Variants in ADGRL2 observed in about 807,000 individuals in gnomAD.
ADGRL2 encodes the protein calcium-independent alpha-latrotoxin receptor 2.
A neutral mutation model predicts 157.4 loss-of-function variants in ADGRL2; 44 were observed. That is an observed-to-expected ratio of 0.28 (90% CI 0.22 to 0.36). The LOEUF is 0.36. Among genes scored for constraint, ADGRL2 ranks in the 10% least tolerant of loss-of-function variants. ADGRL2 has a pLI of 1.00. For synonymous variants in ADGRL2, 585 were observed against 624.7 expected (o/e 0.94, Z 0.95); for missense variants, 1,510 against 1,768.9 (o/e 0.85, Z 2.63).
chr1:81,663,076 C>T (rs1252570974), intron 3 of ADGRL2, among the ~76,000 whole-genome samples: 1 of 148,474 alleles, frequency 6.7e-6, no homozygotes, highest in Non-Finnish European at 1.5e-5. Flanking sequence ...ACCATTCCCC[C>T]TAACACTCCT....
chr1:81,905,986 G>GTA (rs1218941881), intron 2 of ADGRL2, among the ~76,000 whole-genome samples: 10 of 147,052 alleles, frequency 6.8e-5, no homozygotes, highest in African/African-American at 2.5e-4. Flanking sequence ...GTGTGTGTGT[G>GTA]TACATATAAA....
intron 2 of ADGRL2, among the ~76,000 whole-genome samples, chr1:81,771,574 G>C (rs2086370706): frequency 6.6e-6 from 1 of 152,114 alleles, no homozygotes; most frequent in African/African-American, 2.4e-5. Flanking sequence ...GAAAATTCAT[G>C]ATCATAAACC....
chr1:81,730,401 T>C (rs1395597251), intron 1 of ADGRL2, among the ~76,000 whole-genome samples: 2 of 151,988 alleles, frequency 1.3e-5, no homozygotes, highest in Non-Finnish European at 2.9e-5. Context: ...AAGAAATAAG[T>C]GTAAAGCATG....
intron 2 of ADGRL2, among the ~76,000 whole-genome samples, chr1:81,857,622 C>T (rs528419783): frequency 3.5e-4 from 53 of 152,274 alleles, no homozygotes; most frequent in Non-Finnish European, 6.0e-4. Flanking sequence ...TCAGCTTCTT[C>T]TCTCAAATCA....
intron 2 of ADGRL2, among the ~76,000 whole-genome samples, chr1:81,451,105 CAGAT>C (rs1355784158): frequency 6.6e-6 from 1 of 152,174 alleles, no homozygotes; most frequent in Non-Finnish European, 1.5e-5. Flanking sequence ...CACTCGCTAA[CAGAT>C]AGCCCTCACT....
chr1:81,778,058 C>CA (rs2086658311), intron 2 of ADGRL2, among the ~76,000 whole-genome samples: 1 of 152,080 alleles, frequency 6.6e-6, no homozygotes, highest in African/African-American at 2.4e-5. Context: ...CGGTGGCTCA[C>CA]GCCTGTAATC....
chr1:81,580,018 T>C (rs1433244247), intron 2 of ADGRL2, among the ~76,000 whole-genome samples: 1 of 152,180 alleles, frequency 6.6e-6, no homozygotes, highest in Non-Finnish European at 1.5e-5. Flanking sequence ...TAACCATAAA[T>C]TATTATCCAA....
chr1:81,467,163 C>G (rs183271889), intron 2 of ADGRL2, among the ~76,000 whole-genome samples: 4 of 152,102 alleles, frequency 2.6e-5, no homozygotes, highest in Non-Finnish European at 5.9e-5. Flanking sequence ...CTTTATGGCC[C>G]TTGCTGTATA....
At chr1:81,468,293 C>T (rs1032901709) in intron 2 of ADGRL2, among the ~76,000 whole-genome samples, 1 of 152,108 alleles carries the variant, frequency 6.6e-6, no homozygotes, top group Non-Finnish European at 1.5e-5. Flanking sequence ...AGCCTTGTCC[C>T]TAGGTGCTGA....
intron 1 of ADGRL2, among the ~76,000 whole-genome samples, chr1:81,396,228 A>C (rs988504462): frequency 3.3e-5 from 5 of 152,188 alleles, no homozygotes; most frequent in African/African-American, 1.2e-4. Context: ...CTCTTTGGTT[A>C]AATGTATTCC....
chr1:81,732,375 T>C (rs1225484519), intron 1 of ADGRL2, among the ~76,000 whole-genome samples: 1 of 152,230 alleles, frequency 6.6e-6, no homozygotes, highest in Non-Finnish European at 1.5e-5. Context: ...TTTTAAACTC[T>C]ATTGTTCTTC....
intron 2 of ADGRL2, among the ~76,000 whole-genome samples, chr1:81,848,843 A>G (rs909205573): frequency 6.6e-6 from 1 of 151,990 alleles, no homozygotes; most frequent in African/African-American, 2.4e-5. Flanking sequence ...AACAATTATA[A>G]CAAGAATTGT....
At chr1:81,685,071 T>C (rs1178344923) in intron 3 of ADGRL2, among the ~76,000 whole-genome samples, 1 of 152,230 alleles carries the variant, frequency 6.6e-6, no homozygotes, top group Non-Finnish European at 1.5e-5. Flanking sequence ...GGTTGTGTGA[T>C]GCCTCCTGAT....
chr1:81,310,724 A>C (rs1659693447), intron 1 of ADGRL2, among the ~76,000 whole-genome samples: 1 of 152,112 alleles, frequency 6.6e-6, no homozygotes, highest in Non-Finnish European at 1.5e-5. Flanking sequence ...GGTATGGGAA[A>C]GGTTGGGAAT....
chr1:81,747,304 T>C (rs1281589092), intron 1 of ADGRL2, among the ~76,000 whole-genome samples: 1 of 141,704 alleles, frequency 7.1e-6, no homozygotes, highest in Non-Finnish European at 1.6e-5. Flanking sequence ...TATATATATA[T>C]ATATTTTTTT....
chr1:81,777,869 C>T (rs1219894458), intron 2 of ADGRL2, among the ~76,000 whole-genome samples: 1 of 152,168 alleles, frequency 6.6e-6, no homozygotes, highest in Non-Finnish European at 1.5e-5. Flanking sequence ...GGCATGCCTT[C>T]TCATAGCTTT....
At chr1:81,778,211 C>T (rs1456416262) in intron 2 of ADGRL2, among the ~76,000 whole-genome samples, 1 of 108,794 alleles carries the variant, frequency 9.2e-6, no homozygotes, top group Non-Finnish European at 1.8e-5. Context: ...AGTCCCAGCT[C>T]CTCGGGGAGG....
At chr1:81,982,491 GA>G (rs1661952128) in intron 19 of ADGRL2, among the ~76,000 whole-genome samples, 1 of 151,924 alleles carries the variant, frequency 6.6e-6, no homozygotes, top group Non-Finnish European at 1.5e-5. Flanking sequence ...GGAGTCAGAT[GA>G]AACTTACAGA....
intron 3 of ADGRL2, among the ~76,000 whole-genome samples, chr1:81,910,479 T>C (rs1265137867): frequency 3.3e-5 from 5 of 151,818 alleles, no homozygotes; most frequent in South Asian, 2.1e-4. Context: ...AATGGTGTGT[T>C]TGAGAATGTG....
Sources: gnomAD v4.1 joint callset for allele counts (sites outside exome capture counted in the v4.1 genomes callset) on GRCh38, gnomAD v4.1.1 for gene constraint, MANE v1.5 for transcripts, NCBI Gene and HGNC (gene_info 2026-07-23, HGNC 2026-07-21) for gene names.